Variants in CSMD1 observed in about 807,000 individuals in gnomAD.
CSMD1 encodes CUB and Sushi multiple domains 1.
A neutral mutation model predicts 417.5 loss-of-function variants in CSMD1; 213 were observed. The ratio of observed to expected loss-of-function variants is 0.51; its 90% confidence interval spans 0.46 to 0.57. The LOEUF is 0.57. Among genes scored for constraint, CSMD1 ranks in the 20% least tolerant of loss-of-function variants. The probability of loss-of-function intolerance (pLI) is 0.00; values close to 1 mark genes in which losing one functional copy is unlikely to be tolerated. For missense variants in CSMD1, 6,923 were observed against 4,529.7 expected (o/e 1.53, Z -15.17); for synonymous variants, 2,862 against 1,736.8 (o/e 1.65, Z -16.11).
At chr8:3,265,402 G>T (rs184706041) in intron 26 of CSMD1, among the ~76,000 whole-genome samples, 1 of 152,152 alleles carries the variant, frequency 6.6e-6, no homozygotes, top group African/African-American at 2.4e-5. Context: ...GTGAAGGGGG[G>T]AGTGTAAGAA....
At chr8:4,839,300 G>C (rs1325479513) in intron 1 of CSMD1, among the ~76,000 whole-genome samples, 1 of 152,108 alleles carries the variant, frequency 6.6e-6, no homozygotes. Flanking sequence ...GTTTATAGCA[G>C]ACAGAAGGGA....
At chr8:4,790,322 A>T (rs1797624803) in intron 1 of CSMD1, among the ~76,000 whole-genome samples, 1 of 152,222 alleles carries the variant, frequency 6.6e-6, no homozygotes, top group Admixed American at 6.5e-5. Context: ...GAAAGAAATC[A>T]GAGATGACAC....
chr8:4,185,418 A>G (rs1423107080), intron 3 of CSMD1, among the ~76,000 whole-genome samples: 3 of 152,132 alleles, frequency 2.0e-5, no homozygotes, highest in Non-Finnish European at 4.4e-5. Flanking sequence ...CAATAAACAT[A>G]CACGTGTGAG....
chr8:4,075,479 T>C (rs1041172376), intron 3 of CSMD1, among the ~76,000 whole-genome samples: 4 of 152,236 alleles, frequency 2.6e-5, no homozygotes, highest in South Asian at 2.1e-4. Flanking sequence ...TTGTTACAGG[T>C]AAAATAAAGT....
intron 13 of CSMD1, among the ~76,000 whole-genome samples, chr8:3,408,870 A>C (rs565095649): frequency 1.3e-5 from 2 of 152,280 alleles, no homozygotes; most frequent in East Asian, 3.9e-4. Context: ...TTCTTATTCC[A>C]TATAATTTTG....
In CSMD1 at chr8:4,052,012, G is replaced by C. The variant is rs148196046; in HGVS notation, c.416-19913C>G. 2.0e-3 allele frequency among the ~76,000 whole-genome samples: 297 copies of C among 151,682 alleles called. 5 individuals carry two copies. The highest frequency in any genetic ancestry group is 5.4e-4 in the Non-Finnish European group (37 of 67,950). The stretch of plus-strand genomic sequence containing the variant: ...GTTATCTCGGCTCACTGCAACCTCT[G>C]TCTCCCTGTCATATACAGGTTCAAG... On this transcript the variant is annotated intron_variant, in intron 3 of 69. Coordinates refer to ENST00000635120, the MANE Select transcript of CSMD1 (RefSeq NM_033225.6).
chr8:4,133,905 T>C (rs1268597821), intron 3 of CSMD1, among the ~76,000 whole-genome samples: 1 of 152,194 alleles, frequency 6.6e-6, no homozygotes, highest in East Asian at 1.9e-4. Context: ...GTAAACATAG[T>C]TATCCAGGGA....
intron 3 of CSMD1, among the ~76,000 whole-genome samples, chr8:4,276,002 A>C (rs1055863744): frequency 1.3e-5 from 2 of 152,200 alleles, no homozygotes; most frequent in African/African-American, 4.8e-5. Flanking sequence ...GAGAAATAGG[A>C]ATGCTTTTAC....
intron 11 of CSMD1, among the ~76,000 whole-genome samples, chr8:3,481,302 T>A (rs1384068762): frequency 6.6e-6 from 1 of 151,612 alleles, no homozygotes; most frequent in African/African-American, 2.4e-5. Context: ...ACAAGAGGAA[T>A]CTATACAATA....
intron 1 of CSMD1, among the ~76,000 whole-genome samples, chr8:4,641,141 T>C (rs567708686): frequency 2.0e-5 from 3 of 151,662 alleles, no homozygotes; most frequent in South Asian, 2.1e-4. Context: ...ATTGCATGGA[T>C]ACCAAAATAC....
intron 5 of CSMD1, among the ~76,000 whole-genome samples, chr8:3,783,878 T>C (rs1306073425): frequency 6.6e-6 from 1 of 150,886 alleles, no homozygotes; most frequent in African/African-American, 2.4e-5. Context: ...GCACATGAAC[T>C]AGACTCGGCC....
intron 2 of CSMD1, among the ~76,000 whole-genome samples, chr8:4,480,484 G>T (rs994757661): frequency 3.9e-5 from 6 of 152,216 alleles, no homozygotes; most frequent in African/African-American, 9.6e-5. Flanking sequence ...GCCTCAGCTA[G>T]TTGTATTAGA....
Position 2,974,466 on chromosome 8 carries a change from G to A in CSMD1, c.8725C>T (p.Leu2909=), listed in dbSNP as rs1395795176. 6.2e-7 allele frequency: 1 copy of A among 1,608,160 alleles called. No individual in the cohort carries two copies. Among genetic ancestry groups the A allele is most frequent in the South Asian group, 1.1e-5 (1 of 90,614 alleles). The change falls in exon 56 of 70, where the codon CTG becomes TTG. Residue 2909 remains leucine (L), a synonymous_variant. Transcript: ENST00000635120. ...AGCCCCTCACCTGTGCAGTGGGGCA[G>A]TGCCCCGCTCCAGTGACTGTCTTCC... The part of the protein sequence containing the change: ...CQEDSHWSGA[L]PHCTGNNPGF...
At chr8:4,132,643 T>C (rs765505460) in intron 3 of CSMD1, among the ~76,000 whole-genome samples, 73 of 152,162 alleles carry the variant, frequency 4.8e-4, no homozygotes, top group Non-Finnish European at 7.3e-4. Context: ...GCCAAATAAA[T>C]ATTCTATCTT....
At chr8:3,263,846 G>A (rs867141383) in intron 26 of CSMD1, among the ~76,000 whole-genome samples, 1 of 152,134 alleles carries the variant, frequency 6.6e-6, no homozygotes. Context: ...ACATCTGTGG[G>A]AAAACCAAGT....
chr8:4,830,202 C>G (rs962704218), intron 1 of CSMD1, among the ~76,000 whole-genome samples: 1 of 152,176 alleles, frequency 6.6e-6, no homozygotes, highest in African/African-American at 2.4e-5. Flanking sequence ...GTGAAACAGA[C>G]AAAGTGCTTC....
chr8:3,597,054 T>G (rs529352403), intron 8 of CSMD1, among the ~76,000 whole-genome samples: 1 of 152,254 alleles, frequency 6.6e-6, no homozygotes, highest in East Asian at 1.9e-4. Flanking sequence ...CTGCAAGATA[T>G]TGGCCGATAA....
intron 10 of CSMD1, among the ~76,000 whole-genome samples, chr8:3,543,022 G>T (rs1293879698): frequency 2.0e-5 from 3 of 152,162 alleles, no homozygotes; most frequent in African/African-American, 7.2e-5. Context: ...CATGGCACCT[G>T]CTGTTTGTGG....
chr8:3,853,186 C>G (rs1422872557), intron 5 of CSMD1, among the ~76,000 whole-genome samples: 1 of 152,120 alleles, frequency 6.6e-6, no homozygotes. Flanking sequence ...TGCTGCTTCC[C>G]TTCCTTCACG....
Sources: gnomAD v4.1 joint callset for allele counts (sites outside exome capture counted in the v4.1 genomes callset) on GRCh38, gnomAD v4.1.1 for gene constraint, MANE v1.5 for transcripts, NCBI Gene and HGNC (gene_info 2026-07-23, HGNC 2026-07-21) for gene names.